LRP1B: variants seen among roughly 807,000 people sequenced by gnomAD.
LRP1B encodes low-density lipoprotein receptor-related protein 1B.
LRP1B carries 217 observed loss-of-function variants against 556.6 expected under a neutral mutation model. The ratio of observed to expected loss-of-function variants is 0.39; its 90% CI spans 0.35 to 0.44. LRP1B has a LOEUF of 0.44. Ranked by LOEUF, LRP1B falls within the 20% of genes least tolerant of loss-of-function variation. LRP1B has a pLI of 1.00. For synonymous variants in LRP1B, 2,047 were observed against 1,865.8 expected (o/e 1.10, Z -2.50); for missense variants, 5,053 against 5,620.8 (o/e 0.90, Z 3.23).
chr2:140,301,409 T>A (rs1261906969), intron 83 of LRP1B, among the ~76,000 whole-genome samples: 1 of 151,838 alleles, frequency 6.6e-6, no homozygotes, highest in African/African-American at 2.4e-5. Flanking sequence ...AGCAAACAAA[T>A]CAAAGAGAAA....
chr2:142,021,106 CAT>C (rs1248697689), intron 1 of LRP1B, among the ~76,000 whole-genome samples: 2 of 152,136 alleles, frequency 1.3e-5, no homozygotes, highest in African/African-American at 4.8e-5. Flanking sequence ...GAGAAGAAAA[CAT>C]ATGTTCTCCC....
At chr2:140,593,847 C>A (rs957227795) in intron 43 of LRP1B, among the ~76,000 whole-genome samples, 1 of 151,980 alleles carries the variant, frequency 6.6e-6, no homozygotes, top group Non-Finnish European at 1.5e-5. Flanking sequence ...TTGAAAGGAT[C>A]TGTTTCTCTG....
At chr2:141,641,075 A>G (rs1354840425) in intron 2 of LRP1B, among the ~76,000 whole-genome samples, 1 of 152,152 alleles carries the variant, frequency 6.6e-6, no homozygotes, top group Non-Finnish European at 1.5e-5. Flanking sequence ...TTATACATGG[A>G]GGTATATTTT....
At chr2:141,109,666 CAAAAA>C (rs34120181) in intron 7 of LRP1B, among the ~76,000 whole-genome samples, 5 of 134,508 alleles carry the variant, frequency 3.7e-5, no homozygotes, top group Non-Finnish European at 7.9e-5. Context: ...TACAACCTTG[CAAAAA>C]AAAAAAAAAA....
chr2:141,982,593 T>A (rs10197277), intron 1 of LRP1B, among the ~76,000 whole-genome samples: 1 of 151,936 alleles, frequency 6.6e-6, no homozygotes, highest in Non-Finnish European at 1.5e-5. Flanking sequence ...TATTATGATC[T>A]TTTTACAGAA....
At chr2:142,077,265 AT>A (rs1705536982) in intron 1 of LRP1B, among the ~76,000 whole-genome samples, 2 of 152,070 alleles carry the variant, frequency 1.3e-5, no homozygotes, top group African/African-American at 4.8e-5. Context: ...ACATATTCTT[AT>A]AAAGAGTTAG....
At chr2:141,199,104 C>T (rs994458378) in intron 6 of LRP1B, among the ~76,000 whole-genome samples, 3 of 152,102 alleles carry the variant, frequency 2.0e-5, no homozygotes, top group Non-Finnish European at 2.9e-5. Context: ...TAGAAGAAAT[C>T]AGTGCTCCTT....
chr2:141,532,707 T>C (rs1684928879), intron 2 of LRP1B, among the ~76,000 whole-genome samples: 1 of 152,030 alleles, frequency 6.6e-6, no homozygotes, highest in South Asian at 2.1e-4. Flanking sequence ...CATTATAGGC[T>C]GGGTGCAGTG....
chr2:142,118,172 TA>T (rs1275996531), intron 1 of LRP1B, among the ~76,000 whole-genome samples: 1 of 152,166 alleles, frequency 6.6e-6, no homozygotes, highest in Non-Finnish European at 1.5e-5. Flanking sequence ...GAAATGTTTT[TA>T]TTCTTATTAC....
At chr2:141,945,910 G>C (rs185131959) in intron 1 of LRP1B, among the ~76,000 whole-genome samples, 11 of 152,122 alleles carry the variant, frequency 7.2e-5, no homozygotes, top group Admixed American at 6.5e-4. Context: ...AAGGGAGAAT[G>C]CGGTGATAAG....
At chr2:141,489,957 T>C (rs4366842) in intron 2 of LRP1B, among the ~76,000 whole-genome samples, 148,265 of 152,184 alleles carry the variant, frequency 0.97, 72,334 homozygotes, top group East Asian at 1. Context: ...CCAGTAATGG[T>C]TTTTGTGTTT....
At chr2:140,600,767 G>GTT (rs61336155) in intron 42 of LRP1B, among the ~76,000 whole-genome samples, 10,584 of 56,200 alleles carry the variant, frequency 0.19, 2,033 homozygotes, top group African/African-American at 0.26. Flanking sequence ...GTTCTTCGGG[G>GTT]TTTTTTTTTT....
intron 29 of LRP1B, among the ~76,000 whole-genome samples, chr2:140,846,586 C>T (rs1283561463): frequency 6.6e-6 from 1 of 151,850 alleles, no homozygotes; most frequent in Non-Finnish European, 1.5e-5. Flanking sequence ...GAAAATGGCC[C>T]ACTTGAGAAG....
intron 2 of LRP1B, among the ~76,000 whole-genome samples, chr2:141,681,342 A>G (rs969952886): frequency 4.0e-5 from 6 of 151,608 alleles, no homozygotes; most frequent in African/African-American, 1.2e-4. Context: ...TTTTCTTGGT[A>G]AATAAAAAAA....
At chr2:141,383,573 A>G (rs1378485283) in intron 3 of LRP1B, among the ~76,000 whole-genome samples, 1 of 152,208 alleles carries the variant, frequency 6.6e-6, no homozygotes, top group African/African-American at 2.4e-5. Context: ...TATTATGTCA[A>G]AAATGTATTT....
chr2:140,602,634 C>A (rs996288128), intron 41 of LRP1B, among the ~76,000 whole-genome samples: 14 of 151,930 alleles, frequency 9.2e-5, no homozygotes. Flanking sequence ...CTGAAAAGAG[C>A]TGTTTCCAGG....
intron 3 of LRP1B, among the ~76,000 whole-genome samples, chr2:141,307,932 A>G (rs901892469): frequency 1.3e-5 from 2 of 152,064 alleles, no homozygotes; most frequent in Admixed American, 6.5e-5. Context: ...CTGGCTCCCA[A>G]GTGCTTTGTA....
chr2:141,354,001 A>C (rs1688534727), intron 3 of LRP1B, among the ~76,000 whole-genome samples: 1 of 151,988 alleles, frequency 6.6e-6, no homozygotes, highest in Non-Finnish European at 1.5e-5. Flanking sequence ...ACAAACTTCA[A>C]GAAGTATTGG....
At chr2:140,237,890 A>T (rs1001556193) in intron 89 of LRP1B, among the ~76,000 whole-genome samples, 3 of 150,882 alleles carry the variant, frequency 2.0e-5, no homozygotes, top group African/African-American at 7.3e-5. Context: ...ATCATTTTTC[A>T]ATAAAAAACA....
Sources: allele counts gnomAD v4.1 joint callset (sites outside exome capture counted in the v4.1 genomes callset), GRCh38; gene constraint gnomAD v4.1.1; transcripts MANE v1.5; gene names NCBI Gene and HGNC (gene_info 2026-07-23, HGNC 2026-07-21).